Variants in PCDHGA6 observed in about 807,000 individuals in gnomAD.
PCDHGA6 encodes protocadherin gamma subfamily A, 6.
In PCDHGA6, 41 loss-of-function variants were observed where a neutral mutation model predicts 60.6. The observed-to-expected ratio is 0.68, with a 90% CI of 0.53 to 0.88. The LOEUF is 0.88. Ranked by LOEUF, PCDHGA6 falls within the 40% of genes least tolerant of loss-of-function variation. The pLI is 0.00. For synonymous variants in PCDHGA6, 594 were observed against 524.4 expected, an observed-to-expected ratio of 1.13 and a Z score of -1.81; for missense variants, 1,312 against 1,203.0, an observed-to-expected ratio of 1.09 and a Z score of -1.34.
chr5:141,421,715 T>G (rs756472123), intron 1 of PCDHGA6: 1 of 1,613,960 alleles, frequency 6.2e-7, no homozygotes, highest in Admixed American at 1.7e-5. Context: ...GATCCAGATG[T>G]GGGCGTGAAC....
chr5:141,488,711 A>G (rs184498001), intron 1 of PCDHGA6, among the ~76,000 whole-genome samples: 100 of 152,290 alleles, frequency 6.6e-4, no homozygotes, highest in Non-Finnish European at 1.2e-3. Context: ...TGCTGGTTCA[A>G]GCAAAGTGGT....
chr5:141,388,510 A>T, intron 1 of PCDHGA6: 5 of 1,613,846 alleles, frequency 3.1e-6, no homozygotes, highest in Non-Finnish European at 4.2e-6. Context: ...AAATCCTACC[A>T]CTTGACTTTG....
Position 141,486,443 on chromosome 5 carries a change from A to G in PCDHGA6, c.2425-8364A>G, listed in dbSNP as rs747419698. Reference sequence around the variant, plus strand: ...AGAGGCCAAATCTAGCTATGACATCATGGTCACTGCTTCTGATGCTGGGAA... The same window carrying G: ...AGAGGCCAAATCTAGCTATGACATCGTGGTCACTGCTTCTGATGCTGGGAA... On this transcript the variant is annotated intron_variant, in intron 1 of 3. Transcript: ENST00000517434. The surrounding 1 kb of genome is among the most constrained non-coding windows in gnomAD (Gnocchi z 5.0). The G allele has an allele frequency of 1.9e-6, 3 of 1,614,060 alleles. No individual in the cohort carries two copies. Among genetic ancestry groups the G allele is most frequent in the South Asian group, 2.2e-5 (2 of 91,080 alleles).
chr5:141,395,290 T>G, intron 1 of PCDHGA6: 1 of 1,529,838 alleles, frequency 6.5e-7, no homozygotes, highest in Non-Finnish European at 8.8e-7. Context: ...TTATTTGGCA[T>G]AAATTATGTT....
intron 2 of PCDHGA6, among the ~76,000 whole-genome samples, chr5:141,497,859 G>A (rs188372194): frequency 2.0e-4 from 31 of 152,134 alleles, no homozygotes; most frequent in Middle Eastern, 6.8e-3. Context: ...TTGATTCAGC[G>A]GCTCCAAAGT....
chr5:141,385,048 C>T (rs1015626472), intron 1 of PCDHGA6: 6 of 1,614,150 alleles, frequency 3.7e-6, no homozygotes, highest in Non-Finnish European at 3.4e-6. Flanking sequence ...GCTCAGGCTG[C>T]GGCGCTGGCA....
In PCDHGA6 at chr5:141,511,445, A is replaced by G; in HGVS notation, c.*272A>G. ...GGTAGTGGGGTTACTGTAGACACCA[A>G]GAACCATTTGCCACACCCCGTTTAG... On this transcript the variant is annotated 3_prime_UTR_variant, in exon 4 of 4. Coordinates refer to ENST00000517434, the MANE Select transcript of PCDHGA6 (RefSeq NM_018919.3). 4.5e-6 allele frequency: 3 copies of G among 659,774 alleles called. No individual in the cohort carries two copies. Among genetic ancestry groups the G allele is most frequent in the Non-Finnish European group, 4.9e-6 (2 of 412,228 alleles). 40.9% of individuals were successfully genotyped at this position (659,774 alleles called of 1,614,324 possible). A position where few individuals can be genotyped will look rare whatever the true frequency, so the allele number is the denominator to read the frequency against.
At chr5:141,454,970 G>A (rs2098808431) in intron 1 of PCDHGA6, among the ~76,000 whole-genome samples, 2 of 151,444 alleles carry the variant, frequency 1.3e-5, no homozygotes, top group African/African-American at 4.9e-5. Context: ...ACCACGCCTG[G>A]CTAATTTTTT....
chr5:141,410,653 A>G (rs1272999564), intron 1 of PCDHGA6: 9 of 1,589,886 alleles, frequency 5.7e-6, no homozygotes, highest in Non-Finnish European at 7.7e-6. Context: ...TGATTTATCT[A>G]ATAGTCTACT....
rs575250872 is a variant in PCDHGA6, at chr5:141,490,163, T to C, written c.2425-4644T>C. ...GGGGCAATCCATGTGTTGGGTCCCA[T>C]AGACTTTGAGGAGTCACGTTTCTAT... On this transcript the variant is annotated intron_variant, in intron 1 of 3. Transcript: ENST00000517434. This position sits in a 1 kb window ranked among gnomAD's most constrained non-coding sequence, Gnocchi z 5.4. 2 of 1,614,234 alleles carry C rather than the reference T, an allele frequency of 1.2e-6. No homozygotes were observed. The highest frequency in any genetic ancestry group is 2.2e-5 in the East Asian group (1 of 44,886).
chr5:141,440,618 C>G (rs1287745652), intron 1 of PCDHGA6: 3 of 152,196 alleles, frequency 2.0e-5, no homozygotes, highest in South Asian at 2.1e-4. Context: ...GCAGAAGATC[C>G]TGATGTTGAG....
In PCDHGA6 at chr5:141,376,747, C is replaced by A. The variant is rs532627412; in HGVS notation, c.2424+240C>A. 2,536 of 471,218 alleles carry A rather than the reference C, an allele frequency of 5.4e-3. 48 individuals carry two copies. The highest frequency in any genetic ancestry group is 0.052 in the African/African-American group (2,354 of 45,460). The allele number at this position is 471,218 out of a possible 1,614,324, so 29.2% of individuals were successfully genotyped here. ...CAGGCCGGACTGCGGACTGCAGTGG[C>A]GCAATCTCGGCTCACTGCAAGCTCC... On this transcript the variant is annotated intron_variant, in intron 1 of 3. Transcript: ENST00000517434.
rs373446844 is a variant in PCDHGA6, at chr5:141,486,661, G to A, written c.2425-8146G>A. The A allele has an allele frequency of 3.1e-6, 5 of 1,613,836 alleles. No individual in the cohort carries two copies. In the African/African-American group the frequency reaches 4.0e-5, roughly 13 times the overall value. On this transcript the variant is annotated intron_variant, in intron 1 of 3. Transcript: ENST00000517434. The surrounding 1 kb of genome is among the most constrained non-coding windows in gnomAD (Gnocchi z 5.0). The stretch of plus-strand genomic sequence containing the variant: ...CGCTTATCTCCTACTCACTCCTGGA[G>A]CCCAGGAATCGAGATGTATCAGCTT...
At position 141,384,585 on chromosome 5, in the gene PCDHGA6, C is replaced by T. The variant is rs545796754; in HGVS notation, c.2424+8078C>T. 4.3e-6 allele frequency: 7 copies of T among 1,614,246 alleles called. No individual in the cohort carries two copies. In the African/African-American group the frequency reaches 6.7e-5, roughly 15 times the overall value. ...ACCAGAATGACAACCCGCCCGAGAT[C>T]CTGTACCCGGCCCTCCCCACAGATG... On this transcript the variant is annotated intron_variant, in intron 1 of 3. Coordinates refer to ENST00000517434, the MANE Select transcript of PCDHGA6 (RefSeq NM_018919.3).
Position 141,375,794 on chromosome 5 carries a change from G to C in PCDHGA6, c.1711G>C (p.Gly571Arg), listed in dbSNP as rs754100940. The change falls in exon 1 of 4, where the codon GGT becomes CGT. Residue 571 changes from glycine (G) to arginine (R), a missense_variant. Transcript: ENST00000517434. Reference sequence around the variant, plus strand: ...CCTGTACCCCGCCCTCCCCACAGACGGTTCCACTGGCGTGGAGCTGGCGCC... The same window carrying C: ...CCTGTACCCCGCCCTCCCCACAGACCGTTCCACTGGCGTGGAGCTGGCGCC... ...EILYPALPTD[G>R]STGVELAPRS... 33 of 1,614,052 alleles carry C rather than the reference G, an allele frequency of 2.0e-5. No individual in the cohort carries two copies. Among genetic ancestry groups the C allele is most frequent in the Non-Finnish European group, 2.4e-5 (28 of 1,180,026 alleles).
chr5:141,486,089 G>T lies in PCDHGA6; in HGVS notation c.2425-8718G>T, dbSNP rs2099624123. On this transcript the variant is annotated intron_variant, in intron 1 of 3. Coordinates refer to ENST00000517434, the MANE Select transcript of PCDHGA6 (RefSeq NM_018919.3). The surrounding 1 kb of genome is among the most constrained non-coding windows in gnomAD (Gnocchi z 5.0). ...CACTACTGGAAAGCTTACTCTTTTG[G>T]GGCCCCTAGACTTTGAGAGTGAGAA... is the stretch of plus-strand genomic sequence containing the variant. 1 of 1,614,084 alleles carries T rather than the reference G, an allele frequency of 6.2e-7. No individual in the cohort carries two copies. The highest frequency in any genetic ancestry group is 8.5e-7 in the Non-Finnish European group (1 of 1,180,014).
intron 1 of PCDHGA6, chr5:141,484,931 A>T: frequency 4.0e-6 from 2 of 498,120 alleles, no homozygotes; most frequent in South Asian, 5.3e-5. Context: ...TGCTGTTGGG[A>T]CGTTCTCTGC....
Position 141,489,624 on chromosome 5 carries a change from C to T in PCDHGA6, c.2425-5183C>T. 1 of 1,614,088 alleles carries T rather than the reference C, an allele frequency of 6.2e-7. No homozygotes were observed. On this transcript the variant is annotated intron_variant, in intron 1 of 3. Transcript: ENST00000517434. The surrounding 1 kb of genome is among the most constrained non-coding windows in gnomAD (Gnocchi z 4.5). Reference sequence around the variant, plus strand: ...AGGTAGAGATCCTGGATCTCAATGACAACTCTCCTAGCTTTGCCACCCCTG... The same window carrying T: ...AGGTAGAGATCCTGGATCTCAATGATAACTCTCCTAGCTTTGCCACCCCTG...
intron 1 of PCDHGA6, chr5:141,427,902 C>G: frequency 6.4e-7 from 1 of 1,573,742 alleles, no homozygotes; most frequent in South Asian, 1.1e-5. Flanking sequence ...CTCGCCCGCG[C>G]TCAGCGCCAA....
Sources: gnomAD v4.1 joint callset for allele counts (sites outside exome capture counted in the v4.1 genomes callset) on GRCh38, gnomAD v4.1.1 for gene constraint, Gnocchi (gnomAD v3.1) non-coding constraint, MANE v1.5 for transcripts, NCBI Gene and HGNC (gene_info 2026-07-23, HGNC 2026-07-21) for gene names.